The following CCDC102B variants were observed in gnomAD, a reference collection of about 807,000 sequenced individuals.
CCDC102B encodes coiled-coil domain-containing protein 102B.
A neutral mutation model predicts 57.4 loss-of-function variants in CCDC102B; 75 were observed. That is an observed-to-expected ratio of 1.31 (90% CI 1.08 to 1.58). The LOEUF is 1.58. CCDC102B is among the 40% of genes most tolerant of loss of function. The pLI, the probability that CCDC102B is intolerant of heterozygous loss-of-function variation, is 0.00. For synonymous variants in CCDC102B, 206 were observed against 201.9 expected (o/e 1.02, Z -0.17); for missense variants, 636 against 582.6 (o/e 1.09, Z -0.94).
At chr18:68,845,261 C>T (rs1274324789) in intron 3 of CCDC102B, among the ~76,000 whole-genome samples, 1 of 151,768 alleles carries the variant, frequency 6.6e-6, no homozygotes, top group Admixed American at 6.6e-5. Flanking sequence ...ATTGATTCTG[C>T]ATGCATTTTC....
intron 2 of CCDC102B, among the ~76,000 whole-genome samples, chr18:68,723,641 T>G (rs1204385743): frequency 6.6e-6 from 1 of 152,198 alleles, no homozygotes; most frequent in South Asian, 2.1e-4. Context: ...CTCCTTTGAC[T>G]CCATGTCTTA....
intron 2 of CCDC102B, among the ~76,000 whole-genome samples, chr18:68,744,999 T>G (rs2033555930): frequency 6.6e-6 from 1 of 152,128 alleles, no homozygotes; most frequent in Non-Finnish European, 1.5e-5. Flanking sequence ...GACCATGGCA[T>G]TAACCCAGAG....
At chr18:68,960,005 C>T (rs2050005936) in intron 6 of CCDC102B, among the ~76,000 whole-genome samples, 1 of 152,116 alleles carries the variant, frequency 6.6e-6, no homozygotes, top group Non-Finnish European at 1.5e-5. Flanking sequence ...AGCTGGTACC[C>T]AAGCTGGAAG....
intron 6 of CCDC102B, among the ~76,000 whole-genome samples, chr18:68,911,701 G>A (rs1215286716): frequency 7.4e-5 from 9 of 121,320 alleles, no homozygotes; most frequent in Admixed American, 4.8e-4. Context: ...GCAGTGAGCC[G>A]AGATCGCGCC....
At chr18:68,891,898 G>A (rs2040091862) in intron 5 of CCDC102B, among the ~76,000 whole-genome samples, 2 of 152,074 alleles carry the variant, frequency 1.3e-5, no homozygotes, top group Non-Finnish European at 2.9e-5. Context: ...ATATTGGGGG[G>A]TACACAATTC....
chr18:68,872,569 T>C (rs2039281156), intron 4 of CCDC102B, among the ~76,000 whole-genome samples: 1 of 152,182 alleles, frequency 6.6e-6, no homozygotes, highest in East Asian at 1.9e-4. Flanking sequence ...ATATTCTCTT[T>C]TATATCTTAC....
At chr18:68,989,663 GC>G (rs2050812590) in intron 6 of CCDC102B, among the ~76,000 whole-genome samples, 1 of 152,160 alleles carries the variant, frequency 6.6e-6, no homozygotes, top group Non-Finnish European at 1.5e-5. Flanking sequence ...TTGTTCCCAC[GC>G]CAGGCTACCA....
At chr18:68,923,388 CTA>C (rs1047303754) in intron 6 of CCDC102B, among the ~76,000 whole-genome samples, 1 of 151,732 alleles carries the variant, frequency 6.6e-6, no homozygotes, top group African/African-American at 2.4e-5. Flanking sequence ...CCTATGCAAA[CTA>C]TACAGTGTGT....
chr18:68,853,631 A>G (rs1479217431), intron 4 of CCDC102B, among the ~76,000 whole-genome samples: 1 of 144,074 alleles, frequency 6.9e-6, no homozygotes, highest in East Asian at 2.0e-4. Flanking sequence ...CTCATTTCAA[A>G]TATTTACTTT....
At position 68,873,934 on chromosome 18, in the gene CCDC102B, A is replaced by G. The variant is rs572745444; in HGVS notation, c.937-735A>G. ...AAAACATAGCTTAAAATATATGTCAATACAACAAAAACAGCATATATGTGT... is the reference window on the plus strand; with the variant it reads ...AAAACATAGCTTAAAATATATGTCAGTACAACAAAAACAGCATATATGTGT... On this transcript the variant is annotated intron_variant, in intron 4 of 7. Transcript: ENST00000360242. Among the ~76,000 whole-genome samples the G allele has an allele frequency of 1.1e-4, 17 of 151,968 alleles. No homozygotes were observed. The South Asian group carries it at 1.2e-3, about 11-fold the overall frequency.
chr18:68,892,681 T>G (rs1450859780), intron 5 of CCDC102B, among the ~76,000 whole-genome samples: 1 of 152,204 alleles, frequency 6.6e-6, no homozygotes, highest in Non-Finnish European at 1.5e-5. Context: ...TAGTCATCTA[T>G]TTTTGTATTG....
intron 1 of CCDC102B, among the ~76,000 whole-genome samples, chr18:68,820,674 T>A (rs893326430): frequency 6.6e-6 from 1 of 152,060 alleles, no homozygotes; most frequent in African/African-American, 2.4e-5. Flanking sequence ...TTATTTTCTT[T>A]TAAATATCTT....
chr18:68,744,561 T>C (rs992822116), intron 2 of CCDC102B, among the ~76,000 whole-genome samples: 5 of 152,160 alleles, frequency 3.3e-5, no homozygotes, highest in Non-Finnish European at 4.4e-5. Context: ...AGTTGCTACA[T>C]AAGAAGTCCA....
chr18:69,052,732 C>A lies in CCDC102B; in HGVS notation c.1435-1298C>A, dbSNP rs536574858. Reference sequence around the variant, plus strand: ...TTGCTATATATCTACCCAGTTGGCCCTCCATATCCACGGATTCCACATTAT... The same window carrying A: ...TTGCTATATATCTACCCAGTTGGCCATCCATATCCACGGATTCCACATTAT... On this transcript the variant is annotated intron_variant, in intron 7 of 7. Transcript: ENST00000360242. Among the ~76,000 whole-genome samples, 7 of 151,880 alleles carry A rather than the reference C, an allele frequency of 4.6e-5. No homozygotes were observed. In the South Asian group the frequency reaches 1.0e-3, roughly 23 times the overall value.
At position 68,839,886 on chromosome 18, in the gene CCDC102B, A is replaced by G. The variant is rs1277891803; in HGVS notation, c.827+960A>G. On this transcript the variant is annotated intron_variant, in intron 3 of 7. Coordinates refer to ENST00000360242, the MANE Select transcript of CCDC102B (RefSeq NM_024781.3). ...GTGAGAATCTCAAAGTCTGACTCAG[A>G]TTAAAGAGAGAGAGGCACTTTCAAT... Among the ~76,000 whole-genome samples the G allele has an allele frequency of 3.3e-5, 5 of 152,194 alleles. No homozygotes were observed. The East Asian group carries it at 9.6e-4, about 29-fold the overall frequency.
At chr18:68,771,588 G>T (rs1048514051) in intron 2 of CCDC102B, among the ~76,000 whole-genome samples, 1 of 152,152 alleles carries the variant, frequency 6.6e-6, no homozygotes, top group Non-Finnish European at 1.5e-5. Context: ...AAGGAGGTTT[G>T]GAGAAATCTT....
At chr18:68,780,380 C>A (rs1012951610) in intron 2 of CCDC102B, among the ~76,000 whole-genome samples, 5 of 151,672 alleles carry the variant, frequency 3.3e-5, no homozygotes, top group Non-Finnish European at 5.9e-5. Flanking sequence ...TTTTGGGGAA[C>A]TGCCAGACTA....
intron 4 of CCDC102B, among the ~76,000 whole-genome samples, chr18:68,865,379 C>T (rs111552548): frequency 1.3e-5 from 2 of 152,076 alleles, no homozygotes; most frequent in South Asian, 4.1e-4. Flanking sequence ...TTGTTATAGG[C>T]ATCTACAATT....
At chr18:69,004,387 A>C (rs960190147) in intron 6 of CCDC102B, among the ~76,000 whole-genome samples, 1 of 152,160 alleles carries the variant, frequency 6.6e-6, no homozygotes, top group African/African-American at 2.4e-5. Context: ...ACCTGTCCCA[A>C]GTTGGGCTAG....
Sources: allele counts gnomAD v4.1 joint callset (sites outside exome capture counted in the v4.1 genomes callset), GRCh38; gene constraint gnomAD v4.1.1; transcripts MANE v1.5; gene names NCBI Gene and HGNC (gene_info 2026-07-23, HGNC 2026-07-21).